KCNQ1: variants seen among roughly 807,000 people sequenced by gnomAD.
KCNQ1 encodes the protein potassium voltage-gated channel subfamily KQT member 1.
A neutral mutation model predicts 72.4 loss-of-function variants in KCNQ1; 49 were observed. That is an observed-to-expected ratio of 0.68 (90% CI 0.54 to 0.86). KCNQ1 has a LOEUF of 0.86. KCNQ1 is among the 40% of genes least tolerant of loss of function. KCNQ1 has a pLI of 0.00. For missense variants in KCNQ1, 790 were observed against 945.1 expected (o/e 0.84, Z 2.15); for synonymous variants, 450 against 412.6 (o/e 1.09, Z -1.10).
chr11:2,633,603 A>G (rs1564839842), intron 10 of KCNQ1: 2 of 398,454 alleles, frequency 5.0e-6, no homozygotes, highest in Non-Finnish European at 8.8e-6. Context: ...TTTTCCCAAC[A>G]TGATGTGTTC....
chr11:2,513,892 C>G (rs1358862252), intron 1 of KCNQ1, among the ~76,000 whole-genome samples: 1 of 152,244 alleles, frequency 6.6e-6, no homozygotes, highest in African/African-American at 2.4e-5. Flanking sequence ...GGCTAAAGCC[C>G]CACCTGCCTA....
rs904569376 is a variant in KCNQ1 at position 2,541,358 on chromosome 11, C to T, written c.477+13340C>T. Among the ~76,000 whole-genome samples the T allele has an allele frequency of 2.0e-5, 3 of 152,180 alleles. No individual in the cohort carries two copies. Among genetic ancestry groups the T allele is most frequent in the Non-Finnish European group, 4.4e-5 (3 of 68,030 alleles). On this transcript the variant is annotated intron_variant, in intron 2 of 15. Coordinates refer to ENST00000155840, the MANE Select transcript of KCNQ1 (RefSeq NM_000218.3). This position sits in a 1 kb window ranked among gnomAD's most constrained non-coding sequence, Gnocchi z 4.8. The stretch of plus-strand genomic sequence containing the variant: ...TTTGGTGGGGAACCTGGGGGAAGGG[C>T]GGGCGTCTTTATTTCATTTTAGCTT...
In KCNQ1 at chr11:2,674,995, A is replaced by G; in HGVS notation, c.1514+12914A>G. ...TTTCCTCTTACAGTGGCGGGCACTC[A>G]GCCGGCTTCTTCCCGCCTGACTTCT... On this transcript the variant is annotated intron_variant, in intron 11 of 15. Coordinates refer to ENST00000155840, the MANE Select transcript of KCNQ1 (RefSeq NM_000218.3). This position sits in a 1 kb window ranked among gnomAD's most constrained non-coding sequence, Gnocchi z 5.9. 1 of 398,360 alleles carries G rather than the reference A, an allele frequency of 2.5e-6. No homozygotes were observed. The highest frequency in any genetic ancestry group is 4.4e-6 in the Non-Finnish European group (1 of 226,036). The allele number at this position is 398,360 out of a possible 1,614,324, so 24.7% of individuals were successfully genotyped here.
At chr11:2,474,459 G>C (rs1037352594) in intron 1 of KCNQ1, among the ~76,000 whole-genome samples, 1 of 152,224 alleles carries the variant, frequency 6.6e-6, no homozygotes, top group East Asian at 1.9e-4. Context: ...GCAGCCGCCA[G>C]ATGATGGGCC....
chr11:2,559,529 G>A lies in KCNQ1; in HGVS notation c.478-11099G>A, dbSNP rs897718262. On this transcript the variant is annotated intron_variant, in intron 2 of 15. Transcript: ENST00000155840. The surrounding 1 kb of genome is among the most constrained non-coding windows in gnomAD (Gnocchi z 4.9). ...GTCAGGATGGTGTCCGGGATGTGGG[G>A]ACCAGACGACAGCTGTCACCCACTT... Among the ~76,000 whole-genome samples, 1 of 152,194 alleles carries A rather than the reference G, an allele frequency of 6.6e-6. No homozygotes were observed. Among genetic ancestry groups the A allele is most frequent in the Non-Finnish European group, 1.5e-5 (1 of 68,028 alleles).
intron 11 of KCNQ1, chr11:2,681,385 G>A (rs1344949412): frequency 2.5e-6 from 1 of 398,400 alleles, no homozygotes; most frequent in East Asian, 3.6e-5. Context: ...TGGCTCTTGG[G>A]GCTGGGGTGA....
At chr11:2,461,568 C>A in intron 1 of KCNQ1, 3 of 1,354,168 alleles carry the variant, frequency 2.2e-6, no homozygotes, top group Non-Finnish European at 2.9e-6. Context: ...ATTTACTCAG[C>A]CCAGATCACG....
In KCNQ1 at chr11:2,626,874, C is replaced by A. The variant is rs942207707; in HGVS notation, c.1394-35087C>A. ...AAAGTGTGAGTCCTCCAATGTTGTT[C>A]ATCATTTTCAAGAATGTTTTAGCTA... On this transcript the variant is annotated intron_variant, in intron 10 of 15. Coordinates refer to ENST00000155840, the MANE Select transcript of KCNQ1 (RefSeq NM_000218.3). This position sits in a 1 kb window ranked among gnomAD's most constrained non-coding sequence, Gnocchi z 4.0. 34 of 398,416 alleles carry A rather than the reference C, an allele frequency of 8.5e-5. No homozygotes were observed. Among genetic ancestry groups the A allele is most frequent in the African/African-American group, 5.3e-4 (26 of 48,600 alleles). The allele number at this position is 398,416 out of a possible 1,614,324, so 24.7% of individuals were successfully genotyped here. A position where few individuals can be genotyped will look rare whatever the true frequency, so the allele number is the denominator to read the frequency against.
At chr11:2,460,505 C>T (rs1846261561) in intron 1 of KCNQ1, among the ~76,000 whole-genome samples, 1 of 152,142 alleles carries the variant, frequency 6.6e-6, no homozygotes, top group South Asian at 2.1e-4. Context: ...CCCTCCCTCC[C>T]TCCTTCCCTT....
Position 2,628,325 on chromosome 11 carries a change from G to A in KCNQ1, c.1394-33636G>A, listed in dbSNP as rs77825075. 99 of 398,326 alleles carry A rather than the reference G, an allele frequency of 2.5e-4. 1 individual carries two copies. The highest frequency in any genetic ancestry group is 1.9e-3 in the African/African-American group (93 of 48,676). The allele number at this position is 398,326 out of a possible 1,614,324, so 24.7% of individuals were successfully genotyped here. On this transcript the variant is annotated intron_variant, in intron 10 of 15. Transcript: ENST00000155840. Reference sequence around the variant, plus strand: ...TATCTTTTGACTTTTTGATAATAGCGATTCTAACAGTTATGAGGTGATATC... The same window carrying A: ...TATCTTTTGACTTTTTGATAATAGCAATTCTAACAGTTATGAGGTGATATC...
At chr11:2,496,260 C>T (rs1036276096) in intron 1 of KCNQ1, among the ~76,000 whole-genome samples, 3 of 151,780 alleles carry the variant, frequency 2.0e-5, no homozygotes, top group Admixed American at 6.6e-5. Context: ...CACGATGAAA[C>T]CCCATCTCTA....
In KCNQ1 at chr11:2,703,426, C is replaced by T. The variant is rs1486627742; in HGVS notation, c.1514+41345C>T. On this transcript the variant is annotated intron_variant, in intron 11 of 15. Coordinates refer to ENST00000155840, the MANE Select transcript of KCNQ1 (RefSeq NM_000218.3). This position sits in a 1 kb window ranked among gnomAD's most constrained non-coding sequence, Gnocchi z 6.4. ...GTAGGGGCTGAGCTAGCGTTCCTTG[C>T]ACTCCCTCCAGCTTTACTCTTTGGG... is the stretch of plus-strand genomic sequence containing the variant. 1.3e-5 allele frequency among the ~76,000 whole-genome samples: 2 copies of T among 152,194 alleles called. No individual in the cohort carries two copies. Among genetic ancestry groups the T allele is most frequent in the African/African-American group, 4.8e-5 (2 of 41,436 alleles).
At chr11:2,835,611 G>A (rs982071798) in intron 15 of KCNQ1, among the ~76,000 whole-genome samples, 3 of 152,200 alleles carry the variant, frequency 2.0e-5, no homozygotes, top group East Asian at 1.9e-4. Context: ...ACCCCCTGCC[G>A]TGGCAGAGAC....
chr11:2,788,093 AG>A (rs1846946713), intron 15 of KCNQ1, among the ~76,000 whole-genome samples: 1 of 152,168 alleles, frequency 6.6e-6, no homozygotes, highest in Admixed American at 6.5e-5. Flanking sequence ...TGTGGATGGC[AG>A]GGACCATACG....
chr11:2,790,216 G>C (rs547781395), intron 15 of KCNQ1, among the ~76,000 whole-genome samples: 3 of 152,282 alleles, frequency 2.0e-5, no homozygotes, highest in South Asian at 4.1e-4. Context: ...GGAGAAGCCT[G>C]TCTGATGTGG....
rs1429486193 is a variant in KCNQ1, at chr11:2,633,967, T to TTCATTTATA, written c.1394-27991_1394-27990insTTTATATCA. 3.1e-4 allele frequency: 122 copies of TTCATTTATA among 398,494 alleles called. No individual in the cohort carries two copies. Among genetic ancestry groups the TTCATTTATA allele is most frequent in the African/African-American group, 2.3e-3 (113 of 48,624 alleles). The allele number at this position is 398,494 out of a possible 1,614,324, so 24.7% of individuals were successfully genotyped here. A position where few individuals can be genotyped will look rare whatever the true frequency, so the allele number is the denominator to read the frequency against. The stretch of plus-strand genomic sequence containing the variant: ...TCCACGTATAAATGAACCTATACAG[T>TTCATTTATA]TCAAATCTATGTTGTTGAAGAGTCG... On this transcript the variant is annotated intron_variant, in intron 10 of 15. Transcript: ENST00000155840.
chr11:2,680,496 T>A (rs1850377638), intron 11 of KCNQ1: 1 of 398,490 alleles, frequency 2.5e-6, no homozygotes, highest in African/African-American at 2.1e-5. Context: ...GGGCATTTTT[T>A]AAAATAAATT....
At position 2,750,687 on chromosome 11, in the gene KCNQ1, A is replaced by G. The variant is rs2133962475; in HGVS notation, c.1515-18157A>G. Among the ~76,000 whole-genome samples, 1 of 152,332 alleles carries G rather than the reference A, an allele frequency of 6.6e-6. No homozygotes were observed. Among genetic ancestry groups the G allele is most frequent in the South Asian group, 2.1e-4 (1 of 4,832 alleles). Reference sequence around the variant, plus strand: ...TTTCTCTCCCTTGTTTTAATCAACCAGTTCCCAATAAGTCATTTCAGTCAG... The same window carrying G: ...TTTCTCTCCCTTGTTTTAATCAACCGGTTCCCAATAAGTCATTTCAGTCAG... On this transcript the variant is annotated intron_variant, in intron 11 of 15. Transcript: ENST00000155840. This position sits in a 1 kb window ranked among gnomAD's most constrained non-coding sequence, Gnocchi z 6.3.
In KCNQ1 at chr11:2,446,158, G is replaced by T. The variant is rs1846033691; in HGVS notation, c.386+674G>T. On this transcript the variant is annotated intron_variant, in intron 1 of 15. Coordinates refer to ENST00000155840, the MANE Select transcript of KCNQ1 (RefSeq NM_000218.3). This position sits in a 1 kb window ranked among gnomAD's most constrained non-coding sequence, Gnocchi z 8.8. ...GCAGCGCTGGTAGCAGAGGCACCTG[G>T]CCCCCCTGTTACCAGGTGGTTCCAA... Among the ~76,000 whole-genome samples, 1 of 152,228 alleles carries T rather than the reference G, an allele frequency of 6.6e-6. No individual in the cohort carries two copies. The highest frequency in any genetic ancestry group is 2.4e-5 in the African/African-American group (1 of 41,464).
Sources: gnomAD v4.1 joint callset for allele counts (sites outside exome capture counted in the v4.1 genomes callset) on GRCh38, gnomAD v4.1.1 for gene constraint, Gnocchi (gnomAD v3.1) non-coding constraint, MANE v1.5 for transcripts, NCBI Gene and HGNC (gene_info 2026-07-23, HGNC 2026-07-21) for gene names.